KCTD1: variants seen among roughly 807,000 people sequenced by gnomAD.
KCTD1 encodes the protein BTB/POZ domain-containing protein KCTD1.
A neutral mutation model predicts 66.0 loss-of-function variants in KCTD1; 24 were observed. The observed-to-expected ratio is 0.36, with a 90% CI of 0.26 to 0.51. The LOEUF (loss-of-function observed/expected upper bound fraction) is 0.51. Among genes scored for constraint, KCTD1 ranks in the 20% least tolerant of loss-of-function variants. KCTD1 has a pLI of 0.95. For missense variants in KCTD1, 943 were observed against 1,205.2 expected, an observed-to-expected ratio of 0.78 and a Z score of 3.22; for synonymous variants, 511 against 517.2, an observed-to-expected ratio of 0.99 and a Z score of 0.16.
At chr18:26,569,364 C>A (rs572686757) in intron 1 of KCTD1, among the ~76,000 whole-genome samples, 3 of 152,322 alleles carry the variant, frequency 2.0e-5, no homozygotes, top group Non-Finnish European at 4.4e-5. Context: ...ACATGGGGCT[C>A]TGAGAAATAA....
chr18:26,627,396 A>G (rs867658538), intron 1 of KCTD1, among the ~76,000 whole-genome samples: 3 of 152,086 alleles, frequency 2.0e-5, no homozygotes, highest in Admixed American at 6.6e-5. Flanking sequence ...TGCATTTGAA[A>G]TATTAGATTG....
intron 1 of KCTD1, among the ~76,000 whole-genome samples, chr18:26,567,473 T>C (rs972471750): frequency 3.6e-5 from 5 of 137,528 alleles, no homozygotes; most frequent in Non-Finnish European, 7.7e-5. Flanking sequence ...GAAATGCTGT[T>C]GTTCTGTTGT....
At chr18:26,634,933 G>A (rs556433723) in intron 1 of KCTD1, among the ~76,000 whole-genome samples, 1 of 152,070 alleles carries the variant, frequency 6.6e-6, no homozygotes, top group Non-Finnish European at 1.5e-5. Flanking sequence ...AGTGAGTGAG[G>A]CAAAATTTAA....
At chr18:26,544,413 T>C (rs1985116278) in intron 1 of KCTD1, 1 of 152,198 alleles carries the variant, frequency 6.6e-6, no homozygotes, top group Admixed American at 6.5e-5. Context: ...ACTTGCAACA[T>C]TAGTAGAAAA....
chr18:26,604,897 T>A (rs556485309), intron 1 of KCTD1, among the ~76,000 whole-genome samples: 1 of 151,274 alleles, frequency 6.6e-6, no homozygotes, highest in East Asian at 1.9e-4. Flanking sequence ...AAATAAAAGT[T>A]AAAAAAAAAT....
At chr18:26,616,329 TA>T (rs1157839769) in intron 1 of KCTD1, among the ~76,000 whole-genome samples, 2 of 152,054 alleles carry the variant, frequency 1.3e-5, no homozygotes, top group African/African-American at 4.8e-5. Context: ...TCATGGTTTT[TA>T]AGGTTTATTC....
chr18:26,616,926 C>T (rs1186293489), intron 1 of KCTD1, among the ~76,000 whole-genome samples: 1 of 152,194 alleles, frequency 6.6e-6, no homozygotes, highest in East Asian at 1.9e-4. Context: ...ACAAGATGCT[C>T]AATCTCCATC....
chr18:26,475,792 C>T (rs1352879202), intron 3 of KCTD1, among the ~76,000 whole-genome samples: 3 of 152,208 alleles, frequency 2.0e-5, no homozygotes, highest in African/African-American at 4.8e-5. Context: ...GCAGAGGTTG[C>T]GGTGAGCCAA....
chr18:26,623,150 C>T lies in KCTD1; in HGVS notation c.-16+5997G>A, dbSNP rs138237172. Among the ~76,000 whole-genome samples, 528 of 152,244 alleles carry T rather than the reference C, an allele frequency of 3.5e-3. 3 individuals are homozygous for T. Among genetic ancestry groups the T allele is most frequent in the African/African-American group, 0.012 (495 of 41,542 alleles). On this transcript the variant is annotated intron_variant, in intron 1 of 4. Coordinates refer to the KCTD1 transcript ENST00000317932. The stretch of plus-strand genomic sequence containing the variant: ...GGTCTCTTCCCTCTCCCTGACTATC[C>T]CTCCTACCCACTACCCGCCCTTAAC...
intron 3 of KCTD1, among the ~76,000 whole-genome samples, chr18:26,465,112 T>C (rs1025294333): frequency 2.6e-5 from 4 of 152,124 alleles, no homozygotes; most frequent in African/African-American, 9.7e-5. Context: ...TAATGGAGTT[T>C]CTCTCTCCTT....
intron 1 of KCTD1, among the ~76,000 whole-genome samples, chr18:26,538,452 T>C (rs560774401): frequency 6.6e-6 from 1 of 152,026 alleles, no homozygotes; most frequent in African/African-American, 2.4e-5. Context: ...TGCAAGAGCC[T>C]GCACTGAGAT....
chr18:26,594,690 A>G (rs1598958253), intron 1 of KCTD1, among the ~76,000 whole-genome samples: 1 of 152,330 alleles, frequency 6.6e-6, no homozygotes, highest in South Asian at 2.1e-4. Context: ...TGGTCAACCA[A>G]CAGTCTAGAC....
intron 3 of KCTD1, among the ~76,000 whole-genome samples, chr18:26,471,934 AGT>A (rs1432107029): frequency 6.6e-6 from 1 of 152,134 alleles, no homozygotes; most frequent in Non-Finnish European, 1.5e-5. Flanking sequence ...GGATGAGGGT[AGT>A]GGATTGATTC....
chr18:26,498,039 C>A (rs1982567815), intron 2 of KCTD1, among the ~76,000 whole-genome samples: 1 of 152,192 alleles, frequency 6.6e-6, no homozygotes, highest in Non-Finnish European at 1.5e-5. Context: ...ATGTTGGGCA[C>A]AGGGCCACGG....
At chr18:26,501,336 G>T in intron 1 of KCTD1, 86 bp from the exon 2 acceptor site, 2 of 1,142,310 alleles carry the variant, frequency 1.8e-6, no homozygotes, top group South Asian at 2.0e-5. Context: ...ATAAACGAGT[G>T]ATTAACGATA....
At chr18:26,515,449 G>A (rs939362928) in intron 1 of KCTD1, among the ~76,000 whole-genome samples, 3 of 151,880 alleles carry the variant, frequency 2.0e-5, no homozygotes, top group Non-Finnish European at 4.4e-5. Context: ...TAGATGTCTG[G>A]GGCAATCTGG....
intron 1 of KCTD1, among the ~76,000 whole-genome samples, chr18:26,612,001 G>A (rs570140906): frequency 1.2e-4 from 18 of 152,274 alleles, no homozygotes; most frequent in South Asian, 6.2e-4. Context: ...CCAATGCCCT[G>A]TAAATTATGA....
chr18:26,577,939 G>T (rs1302023731), intron 1 of KCTD1, among the ~76,000 whole-genome samples: 1 of 151,914 alleles, frequency 6.6e-6, no homozygotes, highest in African/African-American at 2.4e-5. Flanking sequence ...GTGTTGGAAA[G>T]AATTTAGGGA....
chr18:26,637,753 T>C (rs1987753849), intron 1 of KCTD1, among the ~76,000 whole-genome samples: 1 of 152,148 alleles, frequency 6.6e-6, no homozygotes, highest in Admixed American at 6.5e-5. Flanking sequence ...GGCTTTGGGG[T>C]CCACTGACCT....
Sources: allele counts gnomAD v4.1 joint callset (sites outside exome capture counted in the v4.1 genomes callset), GRCh38; gene constraint gnomAD v4.1.1; transcripts MANE v1.5; gene names NCBI Gene and HGNC (gene_info 2026-07-23, HGNC 2026-07-21).